Variants in VAT1L observed in about 807,000 individuals in gnomAD.
VAT1L encodes vesicle amine transport 1 like.
Under a neutral mutation model 44.1 loss-of-function variants are expected in VAT1L, and 34 were observed. The ratio of observed to expected loss-of-function variants is 0.77; its 90% CI spans 0.59 to 1.03. The LOEUF (loss-of-function observed/expected upper bound fraction) is 1.03, where lower values mean the gene tolerates loss of function less well. Ranked by LOEUF, VAT1L falls within the 50% of genes least tolerant of loss-of-function variation. VAT1L has a pLI of 0.00. For missense variants in VAT1L, 615 were observed against 538.8 expected, an observed-to-expected ratio of 1.14 and a Z score of -1.40; for synonymous variants, 253 against 202.2, an observed-to-expected ratio of 1.25 and a Z score of -2.13.
intron 1 of VAT1L, among the ~76,000 whole-genome samples, chr16:77,816,425 G>A (rs1444374199): frequency 1.3e-5 from 2 of 152,134 alleles, no homozygotes; most frequent in African/African-American, 2.4e-5. Flanking sequence ...TGATGATTGA[G>A]GAGAGGTGGT....
At chr16:77,815,706 T>C (rs977264380) in intron 1 of VAT1L, among the ~76,000 whole-genome samples, 4 of 151,910 alleles carry the variant, frequency 2.6e-5, no homozygotes, top group East Asian at 3.9e-4. Context: ...CAGTGGCTCA[T>C]GCCTGTAATC....
intron 7 of VAT1L, among the ~76,000 whole-genome samples, chr16:77,894,134 G>A (rs2017296886): frequency 6.6e-6 from 1 of 152,144 alleles, no homozygotes; most frequent in Admixed American, 6.5e-5. Context: ...TCTCCACTAT[G>A]TTGGGAAAGA....
intron 3 of VAT1L, among the ~76,000 whole-genome samples, chr16:77,833,510 T>C (rs754253184): frequency 2.3e-4 from 35 of 151,520 alleles, no homozygotes; most frequent in Admixed American, 6.6e-4. Flanking sequence ...CCCAACACTT[T>C]GGGAGGCCGA....
At chr16:77,840,490 C>T (rs924059127) in intron 3 of VAT1L, among the ~76,000 whole-genome samples, 14 of 151,984 alleles carry the variant, frequency 9.2e-5, no homozygotes, top group Admixed American at 2.0e-4. Context: ...GAAAAACAAC[C>T]GATAAAGAGT....
chr16:77,845,779 A>C (rs1483086454), intron 3 of VAT1L, among the ~76,000 whole-genome samples: 1 of 151,926 alleles, frequency 6.6e-6, no homozygotes, highest in Non-Finnish European at 1.5e-5. Context: ...TCACCATTTA[A>C]ATGTCACTTC....
At chr16:77,793,148 G>T (rs2015864928) in intron 1 of VAT1L, among the ~76,000 whole-genome samples, 1 of 152,140 alleles carries the variant, frequency 6.6e-6, no homozygotes, top group Non-Finnish European at 1.5e-5. Flanking sequence ...GTCTTGCTCT[G>T]TCACGCAAGG....
intron 3 of VAT1L, among the ~76,000 whole-genome samples, chr16:77,854,348 G>T (rs949001014): frequency 2.0e-5 from 3 of 152,194 alleles, no homozygotes; most frequent in Non-Finnish European, 4.4e-5. Flanking sequence ...ACTGATGCTT[G>T]AAGCATTGTA....
intron 7 of VAT1L, among the ~76,000 whole-genome samples, chr16:77,940,423 A>T (rs553990859): frequency 7.1e-6 from 1 of 141,802 alleles, no homozygotes; most frequent in Admixed American, 7.7e-5. Flanking sequence ...GGCTCACTGC[A>T]ACCTCTGCCT....
chr16:77,915,186 G>C (rs1002193757), intron 7 of VAT1L, among the ~76,000 whole-genome samples: 2 of 151,994 alleles, frequency 1.3e-5, no homozygotes, highest in African/African-American at 4.8e-5. Flanking sequence ...TGATTGAATC[G>C]TAACCATAGA....
intron 7 of VAT1L, among the ~76,000 whole-genome samples, chr16:77,931,362 A>T (rs959308545): frequency 6.6e-6 from 1 of 152,160 alleles, no homozygotes; most frequent in Non-Finnish European, 1.5e-5. Flanking sequence ...CTCAGCCAAG[A>T]TCACAAATTT....
chr16:77,900,705 AAAAG>A (rs1268074190), intron 7 of VAT1L, among the ~76,000 whole-genome samples: 1 of 147,210 alleles, frequency 6.8e-6, no homozygotes, highest in African/African-American at 2.7e-5. Context: ...GAAAAAAAAA[AAAAG>A]AAAATAGAAA....
chr16:77,910,920 A>G (rs981519999), intron 7 of VAT1L, among the ~76,000 whole-genome samples: 1 of 152,170 alleles, frequency 6.6e-6, no homozygotes, highest in African/African-American at 2.4e-5. Flanking sequence ...TGCAATTGCT[A>G]TCCCCATTTT....
rs538600980 is a variant in VAT1L at position 77,880,367 on chromosome 16, C to T, written c.882+1143C>T. 3.6e-4 allele frequency among the ~76,000 whole-genome samples: 55 copies of T among 152,034 alleles called. No homozygotes were observed. The South Asian group carries it at 0.011, about 32-fold the overall frequency. ...TAGAGACAAGGTTTCACCCTGTTACCCAGGCTGGTTTTGAATTCCCGGGCT... is the reference window on the plus strand; with the variant it reads ...TAGAGACAAGGTTTCACCCTGTTACTCAGGCTGGTTTTGAATTCCCGGGCT... On this transcript the variant is annotated intron_variant, in intron 6 of 8. Transcript: ENST00000302536.
At chr16:77,868,385 T>A (rs956964723) in intron 4 of VAT1L, among the ~76,000 whole-genome samples, 2 of 152,130 alleles carry the variant, frequency 1.3e-5, no homozygotes, top group Admixed American at 1.3e-4. Flanking sequence ...CAAATCCCCA[T>A]GCAAGACAAT....
chr16:77,890,145 T>C (rs2017249000), intron 7 of VAT1L, among the ~76,000 whole-genome samples: 2 of 151,662 alleles, frequency 1.3e-5, no homozygotes, highest in South Asian at 4.2e-4. Context: ...GCTTGCTTGG[T>C]ATGGGAAGGA....
chr16:77,891,118 G>A lies in VAT1L; in HGVS notation c.1077+6316G>A, dbSNP rs146813609. ...GCCTGTAATCCCAGCACTTTGGGAG[G>A]CCGAGGCGGGCGGATCACGAGGTGA... On this transcript the variant is annotated intron_variant, in intron 7 of 8. Transcript: ENST00000302536. 8.4e-3 allele frequency among the ~76,000 whole-genome samples: 1,282 copies of A among 152,150 alleles called. 21 individuals are homozygous for A. The highest frequency in any genetic ancestry group is 0.03 in the African/African-American group (1,229 of 41,518).
At chr16:77,902,272 T>C (rs1307373379) in intron 7 of VAT1L, among the ~76,000 whole-genome samples, 2 of 152,222 alleles carry the variant, frequency 1.3e-5, no homozygotes, top group Non-Finnish European at 2.9e-5. Context: ...TAATATTCAT[T>C]TCTGAGTAAT....
chr16:77,977,669 A>C lies in VAT1L; in HGVS notation c.1234A>C (p.Lys412Gln). 1 of 1,614,088 alleles carries C rather than the reference A, an allele frequency of 6.2e-7. No homozygotes were observed. The highest frequency in any genetic ancestry group is 8.5e-7 in the Non-Finnish European group (1 of 1,179,970). The part of the protein sequence containing the change: ...EEDHEGDSEN[K>Q]ERMPFIQ ...GGACCACGAGGGAGACAGCGAGAAC[A>C]AGGAGCGGATGCCCTTTATCCAGTA... The change falls in exon 9 of 9, where the codon AAG becomes CAG. Residue 412 changes from lysine to glutamine, a missense_variant. Transcript: ENST00000302536.
At chr16:77,964,888 G>A (rs950603118) in intron 7 of VAT1L, among the ~76,000 whole-genome samples, 6 of 147,010 alleles carry the variant, frequency 4.1e-5, no homozygotes, top group African/African-American at 5.1e-5. Context: ...CCGCCTCCCC[G>A]GTTCAAGCAA....
Sources: gnomAD v4.1 joint callset for allele counts (sites outside exome capture counted in the v4.1 genomes callset) on GRCh38, gnomAD v4.1.1 for gene constraint, MANE v1.5 for transcripts, NCBI Gene and HGNC (gene_info 2026-07-23, HGNC 2026-07-21) for gene names.